The following DNAH9 variants were observed in gnomAD, a reference collection of about 807,000 sequenced individuals.
DNAH9 encodes dynein axonemal heavy chain 9.
DNAH9 carries 345 observed loss-of-function variants against 471.6 expected under a neutral mutation model. The ratio of observed to expected loss-of-function variants is 0.73; its 90% CI spans 0.67 to 0.80. The LOEUF is 0.80. Ranked by LOEUF, DNAH9 falls within the 30% of genes least tolerant of loss-of-function variation. The pLI, the probability that DNAH9 is intolerant of heterozygous loss-of-function variation, is 0.00. For synonymous variants in DNAH9, 2,093 were observed against 2,123.6 expected, an observed-to-expected ratio of 0.99 and a Z score of 0.40; for missense variants, 5,407 against 5,609.2, an observed-to-expected ratio of 0.96 and a Z score of 1.15.
At chr17:11,737,718 C>T (rs1160729947) in intron 28 of DNAH9, among the ~76,000 whole-genome samples, 1 of 152,138 alleles carries the variant, frequency 6.6e-6, no homozygotes, top group Non-Finnish European at 1.5e-5. Context: ...AGGATAAATC[C>T]TCCTCTGACT....
At position 11,738,900 on chromosome 17, in the gene DNAH9, G is replaced by A. The variant is rs556785202; in HGVS notation, c.5835G>A (p.Ala1945=). 2.4e-5 allele frequency: 39 copies of A among 1,613,926 alleles called. No homozygotes were observed. Among genetic ancestry groups the A allele is most frequent in the Admixed American group, 1.3e-4 (8 of 59,954 alleles). ...ACCAGGTAAAAAGCATTCAAGATGC[G>A]ATTAGAGATAAGAAGCAGTGGTTCA... ...VAVQVKSIQD[A]IRDKKQWFSF... is the part of the protein sequence containing the mutation. The change falls in exon 29 of 69, where the codon GCG becomes GCA. Residue 1945 remains alanine (A), a synonymous_variant. Coordinates refer to ENST00000262442, the MANE Select transcript of DNAH9 (RefSeq NM_001372.4).
intron 55 of DNAH9, chr17:11,883,033 T>A (rs557634287): frequency 1.0e-6 from 1 of 986,162 alleles, no homozygotes; most frequent in East Asian, 1.1e-4. Context: ...TGCTTTAGGA[T>A]ATGGAGCATA....
chr17:11,838,742 G>A (rs1413750519), intron 49 of DNAH9, among the ~76,000 whole-genome samples: 3 of 152,148 alleles, frequency 2.0e-5, no homozygotes, highest in Admixed American at 6.5e-5. Flanking sequence ...AGGTGGCAAT[G>A]CATTACTGGG....
chr17:11,776,673 G>T (rs1032803859), intron 38 of DNAH9, among the ~76,000 whole-genome samples: 9 of 152,176 alleles, frequency 5.9e-5, no homozygotes, highest in Non-Finnish European at 1.2e-4. Context: ...AAGACTTTAA[G>T]TCATACATCT....
At chr17:11,799,038 C>T (rs553702116) in intron 43 of DNAH9, among the ~76,000 whole-genome samples, 1 of 152,234 alleles carries the variant, frequency 6.6e-6, no homozygotes, top group South Asian at 2.1e-4. Flanking sequence ...CCCTGGGCAC[C>T]CTTCCTCCTC....
At chr17:11,905,851 C>T (rs957134707) in intron 61 of DNAH9, 42 bp downstream of exon 61, 1 of 1,555,550 alleles carries the variant, frequency 6.4e-7, no homozygotes, top group Non-Finnish European at 8.7e-7. Flanking sequence ...GCATTTGCCC[C>T]ATGCACTTTC....
chr17:11,690,177 A>C lies in DNAH9; in HGVS notation c.4355A>C (p.Glu1452Ala), dbSNP rs1289603819. ...TGGGCTGGCATGGAATTCCAGTATG[A>C]GCCCCACCCACGGACCAATGTCCCC... The part of the protein sequence containing the change: ...TTWAGMEFQY[E>A]PHPRTNVPLL... Residue 1452 changes from glutamate to alanine, a missense_variant, in exon 20 of 69, where the codon GAG (glutamate) becomes GCG (alanine). Transcript: ENST00000262442. 6.2e-7 allele frequency: 1 copy of C among 1,614,096 alleles called. No individual in the cohort carries two copies. The highest frequency in any genetic ancestry group is 1.3e-5 in the African/African-American group (1 of 74,944).
intron 19 of DNAH9, among the ~76,000 whole-genome samples, chr17:11,684,249 A>G (rs1017874798): frequency 2.0e-5 from 3 of 152,212 alleles, no homozygotes; most frequent in Admixed American, 2.0e-4. Flanking sequence ...GAGGAGAGAA[A>G]AAAAACCTGA....
intron 35 of DNAH9, among the ~76,000 whole-genome samples, chr17:11,759,302 G>T (rs373752487): frequency 2.3e-4 from 35 of 151,760 alleles, no homozygotes; most frequent in African/African-American, 8.2e-4. Context: ...GGAGTCTCTG[G>T]TGTTTATTAT....
At chr17:11,656,677 C>T (rs963533349) in intron 14 of DNAH9, among the ~76,000 whole-genome samples, 3 of 152,114 alleles carry the variant, frequency 2.0e-5, no homozygotes, top group Admixed American at 6.6e-5. Context: ...AATGTATACA[C>T]TCAGGTAACT....
chr17:11,676,475 G>T lies in DNAH9; in HGVS notation c.3354-3282G>T, dbSNP rs573028750. Among the ~76,000 whole-genome samples, 12 of 151,524 alleles carry T rather than the reference G, an allele frequency of 7.9e-5. No individual in the cohort carries two copies. In the South Asian group the frequency reaches 2.5e-3, roughly 32 times the overall value. On this transcript the variant is annotated intron_variant, in intron 17 of 68. Coordinates refer to ENST00000262442, the MANE Select transcript of DNAH9 (RefSeq NM_001372.4). ...TTTTGTATTTTTTAGTAGAGACAGG[G>T]TTTCTCCATGTTGGTCATGCTGGTC... is the stretch of plus-strand genomic sequence containing the variant.
chr17:11,679,648 T>G, intron 17 of DNAH9, 109 bp from the exon 18 acceptor site: 1 of 775,864 alleles, frequency 1.3e-6, no homozygotes, highest in Non-Finnish European at 2.2e-6. Context: ...GTGTTGGGCA[T>G]GTGGTAGGAT....
chr17:11,769,014 G>A, intron 37 of DNAH9, 108 bp from the exon 38 acceptor site: 1 of 1,138,136 alleles, frequency 8.8e-7, no homozygotes, highest in Middle Eastern at 2.2e-4. Flanking sequence ...TATTTGGGGA[G>A]CTCCATCGTG....
intron 38 of DNAH9, among the ~76,000 whole-genome samples, chr17:11,778,151 G>A (rs1032213311): frequency 2.0e-5 from 3 of 151,650 alleles, no homozygotes; most frequent in Admixed American, 1.3e-4. Flanking sequence ...AAGAGGATTC[G>A]AGGCAGAGGG....
At chr17:11,855,172 G>T (rs556523754) in intron 50 of DNAH9, among the ~76,000 whole-genome samples, 5 of 152,166 alleles carry the variant, frequency 3.3e-5, no homozygotes, top group African/African-American at 1.2e-4. Context: ...AAAGTGCTGG[G>T]ATTACAGGTA....
At chr17:11,829,766 C>T (rs1970624491) in intron 48 of DNAH9, among the ~76,000 whole-genome samples, 1 of 152,216 alleles carries the variant, frequency 6.6e-6, no homozygotes, top group Non-Finnish European at 1.5e-5. Context: ...AGCCACCACA[C>T]CTGGTCAAAG....
At position 11,894,458 on chromosome 17, in the gene DNAH9, G is replaced by A. The variant is rs139641473; in HGVS notation, c.11368G>A (p.Val3790Met). Residue 3790 changes from valine (V) to methionine (M), a missense_variant, in exon 59 of 69, where the codon GTG becomes ATG. Val to Met is a conservative substitution (Grantham distance 21, BLOSUM62 1). Coordinates refer to ENST00000262442, the MANE Select transcript of DNAH9 (RefSeq NM_001372.4). ...AGTGCAGACGGGCACCGCCAGCCCC[G>A]TGGAGTTCCTCTCCCATCAGGCGTG... ...SPVQTGTASP[V>M]EFLSHQAWGA... 6.0e-5 allele frequency: 97 copies of A among 1,613,980 alleles called. No homozygotes were observed. The highest frequency in any genetic ancestry group is 8.3e-5 in the Admixed American group (5 of 59,998).
intron 48 of DNAH9, among the ~76,000 whole-genome samples, chr17:11,832,065 G>A (rs2150951178): frequency 6.6e-6 from 1 of 152,340 alleles, no homozygotes; most frequent in Non-Finnish European, 1.5e-5. Context: ...GACCTCCAAA[G>A]TGTAGCTGGG....
intron 49 of DNAH9, 40 bp from the exon 50 acceptor site, chr17:11,853,963 C>A (rs1440480661): frequency 6.3e-7 from 1 of 1,587,254 alleles, no homozygotes; most frequent in South Asian, 1.1e-5. Flanking sequence ...CAAAGAAAGC[C>A]CATTCATGTT....
Sources: gnomAD v4.1 joint callset for allele counts (sites outside exome capture counted in the v4.1 genomes callset) on GRCh38, gnomAD v4.1.1 for gene constraint, MANE v1.5 for transcripts, NCBI Gene and HGNC (gene_info 2026-07-23, HGNC 2026-07-21) for gene names.